Variants in ADAMTS18 observed in about 807,000 individuals in gnomAD.
ADAMTS18 encodes ADAM metallopeptidase with thrombospondin type 1 motif 18, also known as A disintegrin and metalloproteinase with thrombospondin motifs 18.
ADAMTS18 carries 157 observed loss-of-function variants against 165.9 expected under a neutral mutation model. That is an observed-to-expected ratio of 0.95 (90% CI 0.83 to 1.08). The LOEUF (loss-of-function observed/expected upper bound fraction) is 1.08, where lower values mean the gene tolerates loss of function less well. Among genes scored for constraint, ADAMTS18 ranks in the 50% least tolerant of loss-of-function variants. The pLI, the probability that ADAMTS18 is intolerant of heterozygous loss-of-function variation, is 0.00. For synonymous variants in ADAMTS18, 782 were observed against 578.2 expected (o/e 1.35, Z -5.06); for missense variants, 2,040 against 1,534.0 (o/e 1.33, Z -5.51).
chr16:77,411,838 C>A (rs560367186), intron 3 of ADAMTS18, among the ~76,000 whole-genome samples: 2 of 151,796 alleles, frequency 1.3e-5, no homozygotes, highest in Non-Finnish European at 2.9e-5. Flanking sequence ...AGGTGCCCAC[C>A]ACCAAGCCCA....
At chr16:77,419,281 G>A (rs1162603649) in intron 3 of ADAMTS18, among the ~76,000 whole-genome samples, 1 of 152,168 alleles carries the variant, frequency 6.6e-6, no homozygotes, top group Non-Finnish European at 1.5e-5. Flanking sequence ...CTCCAAGAAA[G>A]ATTCCACTGC....
chr16:77,429,940 G>A (rs912089929), intron 3 of ADAMTS18, among the ~76,000 whole-genome samples: 1 of 152,182 alleles, frequency 6.6e-6, no homozygotes, highest in Non-Finnish European at 1.5e-5. Context: ...TTAACACAGA[G>A]TTAAACAATT....
chr16:77,428,976 C>T (rs922236512), intron 3 of ADAMTS18, among the ~76,000 whole-genome samples: 6 of 152,148 alleles, frequency 3.9e-5, no homozygotes, highest in Non-Finnish European at 4.4e-5. Flanking sequence ...GTCATAACAG[C>T]CCCAAACTGC....
chr16:77,353,597 T>C (rs1441146635), intron 10 of ADAMTS18, 136 bp downstream of exon 10: 3 of 1,204,818 alleles, frequency 2.5e-6, no homozygotes, highest in East Asian at 2.5e-5. Context: ...TTAATTATCA[T>C]GCCAAACAAC....
chr16:77,316,143 G>A (rs975964197), intron 16 of ADAMTS18, among the ~76,000 whole-genome samples: 2 of 152,120 alleles, frequency 1.3e-5, no homozygotes, highest in African/African-American at 4.8e-5. Flanking sequence ...CACCTTCACA[G>A]TCACCATCTG....
chr16:77,374,208 G>C (rs1029838021), intron 3 of ADAMTS18, among the ~76,000 whole-genome samples: 1 of 142,714 alleles, frequency 7.0e-6, no homozygotes. Flanking sequence ...AACAGAGTGA[G>C]ACTCCATCTC....
chr16:77,416,513 G>A (rs546309336), intron 3 of ADAMTS18, among the ~76,000 whole-genome samples: 4 of 152,244 alleles, frequency 2.6e-5, no homozygotes, highest in Non-Finnish European at 4.4e-5. Flanking sequence ...GAGATCTGAT[G>A]GTTTTATAAA....
intron 10 of ADAMTS18, among the ~76,000 whole-genome samples, chr16:77,350,344 C>T (rs1285468812): frequency 6.6e-6 from 1 of 152,096 alleles, no homozygotes; most frequent in Non-Finnish European, 1.5e-5. Context: ...GCCCCAGAGC[C>T]TTTACCAGGG....
chr16:77,397,520 A>G (rs2057273983), intron 3 of ADAMTS18, among the ~76,000 whole-genome samples: 1 of 152,242 alleles, frequency 6.6e-6, no homozygotes, highest in South Asian at 2.1e-4. Context: ...TTAACTAGAT[A>G]GTTATGTAGG....
At chr16:77,360,362 G>A (rs74251616) in intron 7 of ADAMTS18, among the ~76,000 whole-genome samples, 13,099 of 152,206 alleles carry the variant, frequency 0.086, 775 homozygotes, top group East Asian at 0.26. Context: ...GAATTAACTT[G>A]TTCAAGATCT....
chr16:77,291,546 T>A, intron 20 of ADAMTS18, 68 bp from the exon 21 acceptor site: 1 of 1,501,852 alleles, frequency 6.7e-7, no homozygotes, highest in African/African-American at 1.4e-5. Flanking sequence ...CAGAGGCAGT[T>A]TGACATAAGG....
At chr16:77,299,729 G>A (rs1313366597) in intron 17 of ADAMTS18, among the ~76,000 whole-genome samples, 1 of 152,170 alleles carries the variant, frequency 6.6e-6, no homozygotes, top group African/African-American at 2.4e-5. Context: ...GGTTGCTGTT[G>A]TTCCTTCCTT....
At chr16:77,290,944 G>A (rs879697119) in intron 21 of ADAMTS18, 23 of 410,578 alleles carry the variant, frequency 5.6e-5, no homozygotes, top group Middle Eastern at 7.2e-4. Context: ...AGAAAGACTC[G>A]AGTGGTAGTT....
At chr16:77,314,512 T>C (rs1429162803) in intron 16 of ADAMTS18, among the ~76,000 whole-genome samples, 2 of 150,294 alleles carry the variant, frequency 1.3e-5, no homozygotes, top group Non-Finnish European at 3.0e-5. Context: ...CTTGGGAGGC[T>C]GAGGCAGAAG....
At chr16:77,362,047 G>C in intron 7 of ADAMTS18, 58 bp downstream of exon 7, 1 of 1,586,450 alleles carries the variant, frequency 6.3e-7, no homozygotes, top group Non-Finnish European at 8.6e-7. Context: ...TCCATAGAAA[G>C]TTTCCATACT....
intron 22 of ADAMTS18, among the ~76,000 whole-genome samples, chr16:77,288,267 CT>C (rs1484246608): frequency 6.6e-6 from 1 of 151,988 alleles, no homozygotes; most frequent in Non-Finnish European, 1.5e-5. Context: ...CTGAATCTTT[CT>C]TTGGTAATTA....
At chr16:77,360,659 T>C (rs1043861390) in intron 7 of ADAMTS18, among the ~76,000 whole-genome samples, 3 of 152,220 alleles carry the variant, frequency 2.0e-5, no homozygotes, top group African/African-American at 7.2e-5. Context: ...CATCTTTCAT[T>C]ACAAAAACCC....
At chr16:77,403,326 C>G (rs893980746) in intron 3 of ADAMTS18, among the ~76,000 whole-genome samples, 1 of 152,062 alleles carries the variant, frequency 6.6e-6, no homozygotes, top group Non-Finnish European at 1.5e-5. Flanking sequence ...CTCATTTAAT[C>G]CACATAATGA....
At chr16:77,303,758 A>G (rs12927207) in intron 16 of ADAMTS18, among the ~76,000 whole-genome samples, 87,663 of 152,022 alleles carry the variant, frequency 0.58, 27,048 homozygotes, top group Non-Finnish European at 0.69. Context: ...CTAGGGCCGG[A>G]CGCGGGGGCT....
Sources: gnomAD v4.1 joint callset for allele counts (sites outside exome capture counted in the v4.1 genomes callset) on GRCh38, gnomAD v4.1.1 for gene constraint, MANE v1.5 for transcripts, NCBI Gene and HGNC (gene_info 2026-07-23, HGNC 2026-07-21) for gene names.